The following TIMMDC1 variants were observed in gnomAD, a reference collection of about 807,000 sequenced individuals.
The protein encoded by TIMMDC1 is translocase of inner mitochondrial membrane domain containing 1.
In TIMMDC1, 25 loss-of-function variants were observed where a neutral mutation model predicts 32.6. The ratio of observed to expected loss-of-function variants is 0.77; its 90% CI spans 0.56 to 1.07. TIMMDC1 has a LOEUF of 1.07. TIMMDC1 is among the 50% of genes least tolerant of loss of function. The pLI is 0.00. For synonymous variants in TIMMDC1, 130 were observed against 127.6 expected (o/e 1.02, Z -0.13); for missense variants, 329 against 349.2 (o/e 0.94, Z 0.46).
rs1371128058 is a variant in TIMMDC1 at position 119,498,944 on chromosome 3, T to G, written c.194+17T>G. 6.2e-7 allele frequency: 1 copy of G among 1,612,684 alleles called. No individual in the cohort carries two copies. The highest frequency in any genetic ancestry group is 1.7e-5 in the Admixed American group (1 of 59,964). ...TGGCAAAGAGTAAAAGTGCCTAGGG[T>G]GTGAAGTGGGGTAGGGGGCCGCGAA... On this transcript the variant is annotated intron_variant, in intron 1 of 6. Coordinates refer to ENST00000494664, the MANE Select transcript of TIMMDC1 (RefSeq NM_016589.4).
At chr3:119,505,705 C>T (rs923494576) in intron 4 of TIMMDC1, among the ~76,000 whole-genome samples, 4 of 152,136 alleles carry the variant, frequency 2.6e-5, no homozygotes, top group African/African-American at 9.7e-5. Flanking sequence ...TGGGAATAAG[C>T]TTACAAAAGA....
At chr3:119,508,732 A>G (rs2081934327) in intron 4 of TIMMDC1, among the ~76,000 whole-genome samples, 1 of 152,200 alleles carries the variant, frequency 6.6e-6, no homozygotes, top group Non-Finnish European at 1.5e-5. Context: ...CATGCTTGGG[A>G]TCTTGCCTTG....
chr3:119,498,927 AGTAAAAG>A lies in TIMMDC1; in HGVS notation c.194+1_194+7del, dbSNP rs1487428252. ...CGCCTCCGGGAGCTGTTTGGCAAAGAGTAAAAGTGCCTAGGGTGTGAAGTGGGGTAGG... is the reference window on the plus strand; with the variant it reads ...CGCCTCCGGGAGCTGTTTGGCAAAGATGCCTAGGGTGTGAAGTGGGGTAGG... On this transcript the variant is annotated splice_donor_variant and splice_donor_5th_base_variant and intron_variant, in intron 1 of 6. Coordinates refer to ENST00000494664, the MANE Select transcript of TIMMDC1 (RefSeq NM_016589.4). LOFTEE classifies it high-confidence loss of function. 12 of 1,613,894 alleles carry A rather than the reference AGTAAAAG, an allele frequency of 7.4e-6. No homozygotes were observed. The highest frequency in any genetic ancestry group is 9.3e-6 in the Non-Finnish European group (11 of 1,179,944).
At chr3:119,504,729 A>G (rs2081904233) in intron 4 of TIMMDC1, among the ~76,000 whole-genome samples, 1 of 152,204 alleles carries the variant, frequency 6.6e-6, no homozygotes, top group African/African-American at 2.4e-5. Flanking sequence ...CAAGAGATCT[A>G]TTTAAAACAT....
chr3:119,503,431 T>C, intron 2 of TIMMDC1, 101 bp from the exon 3 acceptor site: 1 of 751,318 alleles, frequency 1.3e-6, no homozygotes, highest in South Asian at 2.0e-5. Flanking sequence ...TCTGTTTGGG[T>C]GTACCTGACT....
chr3:119,507,713 T>C (rs2081926857), intron 4 of TIMMDC1, among the ~76,000 whole-genome samples: 1 of 152,204 alleles, frequency 6.6e-6, no homozygotes, highest in Non-Finnish European at 1.5e-5. Flanking sequence ...TAGGATGCCT[T>C]GTAATTTTTT....
Position 119,523,722 on chromosome 3 carries a change from A to G in TIMMDC1, c.824A>G (p.Asn275Ser), listed in dbSNP as rs763324345. 3 of 1,611,948 alleles carry G rather than the reference A, an allele frequency of 1.9e-6. No homozygotes were observed. Among genetic ancestry groups the G allele is most frequent in the East Asian group, 4.5e-5 (2 of 44,842 alleles). ...GAAGCACTGCTAAACCTTCCTAGAA[A>G]CCCTTCAGTAATAGATAAACAAGAC... ...KIEALLNLPRNPSVIDKQDKD is the reference protein window; with the variant it reads ...KIEALLNLPRSPSVIDKQDKD The change falls in exon 7 of 7, where the codon AAC becomes AGC. Residue 275 changes from asparagine to serine, a missense_variant. Asn to Ser is a conservative substitution (Grantham distance 46). Transcript: ENST00000494664.
intron 2 of TIMMDC1, among the ~76,000 whole-genome samples, chr3:119,502,404 A>G (rs2081884878): frequency 6.6e-6 from 1 of 151,364 alleles, no homozygotes; most frequent in African/African-American, 2.4e-5. Flanking sequence ...TAATTTTTGT[A>G]TTTTTTGTAG....
At chr3:119,518,528 T>C (rs1176086800) in intron 6 of TIMMDC1, among the ~76,000 whole-genome samples, 1 of 148,166 alleles carries the variant, frequency 6.7e-6, no homozygotes, top group African/African-American at 2.6e-5. Flanking sequence ...CACTCCAGCC[T>C]GGGCCACAGA....
chr3:119,509,720 C>G (rs1036522701), intron 4 of TIMMDC1, among the ~76,000 whole-genome samples: 11 of 146,482 alleles, frequency 7.5e-5, no homozygotes, highest in Non-Finnish European at 1.3e-4. Context: ...GAATCTTGCT[C>G]TGTCGCTCAG....
Position 119,525,038 on chromosome 3 carries a change from G to T in TIMMDC1, c.*1282G>T, listed in dbSNP as rs2082056727. The T allele has an allele frequency of 6.6e-6, 1 of 152,156 alleles. No individual in the cohort carries two copies. Among genetic ancestry groups the T allele is most frequent in the Non-Finnish European group, 1.5e-5 (1 of 68,024 alleles). 9.4% of individuals were successfully genotyped at this position (152,156 alleles called of 1,614,324 possible). A position where few individuals can be genotyped will look rare whatever the true frequency, so the allele number is the denominator to read the frequency against. On this transcript the variant is annotated 3_prime_UTR_variant, in exon 7 of 7. Transcript: ENST00000494664. ...CCAATATGAACCAGTTAAGTCTTTG[G>T]ACTATCCCTTTCCTCCTTGACTACT...
chr3:119,511,439 T>C (rs1453348521), intron 4 of TIMMDC1, among the ~76,000 whole-genome samples: 1 of 151,544 alleles, frequency 6.6e-6, no homozygotes, highest in East Asian at 1.9e-4. Flanking sequence ...ATCATGCCAT[T>C]GCACTGCAGC....
chr3:119,520,497 A>G (rs1270528864), intron 6 of TIMMDC1, among the ~76,000 whole-genome samples: 1 of 152,232 alleles, frequency 6.6e-6, no homozygotes, highest in Non-Finnish European at 1.5e-5. Flanking sequence ...GGAAATGGAT[A>G]CATTCCTGAG....
chr3:119,513,227 G>A (rs1167129745), intron 4 of TIMMDC1, among the ~76,000 whole-genome samples: 1 of 152,162 alleles, frequency 6.6e-6, no homozygotes, highest in South Asian at 2.1e-4. Context: ...CTGCCTGAGT[G>A]GTGCCATGTA....
chr3:119,507,435 A>G (rs1027018996), intron 4 of TIMMDC1, among the ~76,000 whole-genome samples: 11 of 152,226 alleles, frequency 7.2e-5, no homozygotes, highest in African/African-American at 2.6e-4. Context: ...CCAGTCTACT[A>G]TTCTTCAGTT....
intron 1 of TIMMDC1, among the ~76,000 whole-genome samples, chr3:119,499,936 A>G (rs2081857369): frequency 6.6e-6 from 1 of 152,192 alleles, no homozygotes; most frequent in Non-Finnish European, 1.5e-5. Flanking sequence ...GCGTTTTTAA[A>G]AAAACATTTA....
intron 6 of TIMMDC1, among the ~76,000 whole-genome samples, chr3:119,518,549 A>C (rs1185052522): frequency 7.0e-6 from 1 of 142,256 alleles, no homozygotes; most frequent in African/African-American, 3.0e-5. Flanking sequence ...GCAATACTTC[A>C]TCTCAAAAAA....
intron 6 of TIMMDC1, among the ~76,000 whole-genome samples, chr3:119,522,979 A>G (rs2082038756): frequency 6.6e-6 from 1 of 152,240 alleles, no homozygotes; most frequent in South Asian, 2.1e-4. Context: ...AACTGACTAT[A>G]GAGATATAGA....
intron 6 of TIMMDC1, among the ~76,000 whole-genome samples, chr3:119,522,802 GTTTGTGTGT>G (rs1560051104): frequency 4.7e-5 from 6 of 126,372 alleles, no homozygotes; most frequent in Non-Finnish European, 9.6e-5. Context: ...ACGTATGGGT[GTTTGTGTGT>G]GTGTGTGTGT....
Sources: gnomAD v4.1 joint callset for allele counts (sites outside exome capture counted in the v4.1 genomes callset) on GRCh38, gnomAD v4.1.1 for gene constraint, MANE v1.5 for transcripts, NCBI Gene and HGNC (gene_info 2026-07-23, HGNC 2026-07-21) for gene names.